GBX1: variants seen among roughly 807,000 people sequenced by gnomAD.
GBX1 encodes the protein gastrulation brain homeobox 1.
In GBX1, 9 loss-of-function variants were observed where a neutral mutation model predicts 22.9. That is an observed-to-expected ratio of 0.39 (90% CI 0.24 to 0.69). The LOEUF is 0.69. Among genes scored for constraint, GBX1 ranks in the 30% least tolerant of loss-of-function variants. The pLI is 0.43. For missense variants in GBX1, 494 were observed against 509.2 expected (o/e 0.97, Z 0.29); for synonymous variants, 203 against 227.3 (o/e 0.89, Z 0.96).
chr7:151,167,325 G>A lies in GBX1; in HGVS notation c.224C>T (p.Pro75Leu), dbSNP rs1346451049. Residue 75 changes from proline (P) to leucine (L), a missense_variant, in exon 1 of 2, where the codon CCG (proline) becomes CTG (leucine). Transcript: ENST00000297537. This position sits in a 1 kb window ranked among gnomAD's most constrained non-coding sequence, Gnocchi z 5.9. ...PLPAGLPPLAPLASFAGRLTN... is the reference protein window; with the variant it reads ...PLPAGLPPLALLASFAGRLTN... ...AAGGCGGCCGGCGAAAGAGGCTAGC[G>A]GGGCGAGGGGCGGGAGGCCAGCGGG... is the stretch of plus-strand genomic sequence containing the variant. 3.3e-6 allele frequency: 5 copies of A among 1,517,878 alleles called. No individual in the cohort carries two copies. The South Asian group carries it at 6.3e-5, about 19-fold the overall frequency. The allele number at this position is 1,517,878 out of a possible 1,614,324, so 94.0% of individuals were successfully genotyped here.
intron 1 of GBX1, among the ~76,000 whole-genome samples, chr7:151,162,273 C>T (rs971182701): frequency 5.3e-5 from 8 of 152,302 alleles, no homozygotes; most frequent in South Asian, 4.1e-4. Flanking sequence ...TCTAATTCCA[C>T]GTCATATTAT....
intron 1 of GBX1, among the ~76,000 whole-genome samples, chr7:151,164,283 T>G (rs1801225345): frequency 6.6e-6 from 1 of 152,270 alleles, no homozygotes; most frequent in Admixed American, 6.5e-5. Flanking sequence ...AATCCCATTA[T>G]TCACAGCAGA....
chr7:151,152,504 AAAT>A (rs992495910), intron 1 of GBX1, among the ~76,000 whole-genome samples: 3 of 152,234 alleles, frequency 2.0e-5, no homozygotes, highest in African/African-American at 7.2e-5. Context: ...AGTTTGTAGT[AAAT>A]AATAACAAAA....
intron 1 of GBX1, among the ~76,000 whole-genome samples, chr7:151,153,510 T>A (rs1483785787): frequency 3.3e-5 from 5 of 151,974 alleles, no homozygotes; most frequent in Non-Finnish European, 4.4e-5. Flanking sequence ...AAATTGCACA[T>A]AAAAATTTGC....
intron 1 of GBX1, among the ~76,000 whole-genome samples, chr7:151,158,277 A>G (rs1682969869): frequency 6.6e-6 from 1 of 152,156 alleles, no homozygotes; most frequent in East Asian, 1.9e-4. Context: ...AAAATTATTC[A>G]TAGTAATACC....
At position 151,148,496 on chromosome 7, in the gene GBX1, A is replaced by G; in HGVS notation, c.*93T>C. The G allele has an allele frequency of 8.1e-7, 1 of 1,227,050 alleles. No homozygotes were observed. The highest frequency in any genetic ancestry group is 1.1e-6 in the Non-Finnish European group (1 of 881,410). The allele number at this position is 1,227,050 out of a possible 1,614,324, so 76.0% of individuals were successfully genotyped here. A position where few individuals can be genotyped will look rare whatever the true frequency, so the allele number is the denominator to read the frequency against. On this transcript the variant is annotated 3_prime_UTR_variant, in exon 2 of 2. Transcript: ENST00000297537. The surrounding 1 kb of genome is among the most constrained non-coding windows in gnomAD (Gnocchi z 5.1). The stretch of plus-strand genomic sequence containing the variant: ...AACTAGCCCCTCTCAAGGCAGAATC[A>G]CAGTTGCAGCCCCTCTGGTCCACAG...
In GBX1 at chr7:151,149,200, G is replaced by A. The variant is rs1438924409; in HGVS notation, c.539-58C>T. On this transcript the variant is annotated intron_variant, in intron 1 of 1. Coordinates refer to ENST00000297537, the MANE Select transcript of GBX1 (RefSeq NM_001098834.3). ...GGAGAAGCAAGAAAAAGAGAGTTTG[G>A]AGGAGGCCCATGGAACCATGGCCAG... The A allele has an allele frequency of 3.9e-6, 6 of 1,521,490 alleles. No individual in the cohort carries two copies. In the East Asian group the frequency reaches 9.0e-5, roughly 23 times the overall value. 94.2% of individuals were successfully genotyped at this position (1,521,490 alleles called of 1,614,324 possible).
intron 1 of GBX1, among the ~76,000 whole-genome samples, chr7:151,158,951 G>A (rs1801164334): frequency 6.6e-6 from 1 of 152,190 alleles, no homozygotes; most frequent in African/African-American, 2.4e-5. Context: ...CTGTACAGGT[G>A]AGTACTTCCT....
Position 151,167,624 on chromosome 7 carries a change from C to T in GBX1, c.-76G>A, listed in dbSNP as rs1801276227. 16 of 1,216,202 alleles carry T rather than the reference C, an allele frequency of 1.3e-5. No homozygotes were observed. Among genetic ancestry groups the T allele is most frequent in the Middle Eastern group, 6.6e-4 (2 of 3,042 alleles). The allele number at this position is 1,216,202 out of a possible 1,614,324, so 75.3% of individuals were successfully genotyped here. A position where few individuals can be genotyped will look rare whatever the true frequency, so the allele number is the denominator to read the frequency against. ...TGCGCCCCGCGGCTCGGGCGCCCCG[C>T]GCGGACACGCAGGGCTCGCTCCCTG... On this transcript the variant is annotated 5_prime_UTR_variant, in exon 1 of 2. Coordinates refer to ENST00000297537, the MANE Select transcript of GBX1 (RefSeq NM_001098834.3). This position sits in a 1 kb window ranked among gnomAD's most constrained non-coding sequence, Gnocchi z 5.9.
chr7:151,166,479 C>T (rs1584806653), intron 1 of GBX1, among the ~76,000 whole-genome samples: 1 of 124,050 alleles, frequency 8.1e-6, no homozygotes, highest in Non-Finnish European at 1.7e-5. Context: ...ACGCAACCCC[C>T]CCCCCCCAAC....
In GBX1 at chr7:151,150,954, G is replaced by A. The variant is rs565105968; in HGVS notation, c.539-1812C>T. The stretch of plus-strand genomic sequence containing the variant: ...ACTATGTTGCCCAGGCTGGCCTTGA[G>A]CTTCTGGGTTCATACAATCCTCTAG... On this transcript the variant is annotated intron_variant, in intron 1 of 1. Coordinates refer to ENST00000297537, the MANE Select transcript of GBX1 (RefSeq NM_001098834.3). 2.0e-4 allele frequency among the ~76,000 whole-genome samples: 31 copies of A among 152,280 alleles called. 1 individual carries two copies. In the South Asian group the frequency reaches 5.2e-3, roughly 25 times the overall value.
At chr7:151,166,474 ACC>A (rs376110409) in intron 1 of GBX1, among the ~76,000 whole-genome samples, 4,179 of 70,626 alleles carry the variant, frequency 0.059, 188 homozygotes, top group Non-Finnish European at 0.076. Flanking sequence ...TTGAGACGCA[ACC>A]CCCCCCCCCC....
intron 1 of GBX1, among the ~76,000 whole-genome samples, chr7:151,155,062 G>A (rs1029415300): frequency 4.6e-5 from 7 of 152,172 alleles, no homozygotes; most frequent in South Asian, 2.1e-4. Flanking sequence ...TGTTATCACC[G>A]TAGGAAATCA....
chr7:151,163,704 G>A (rs989980958), intron 1 of GBX1, among the ~76,000 whole-genome samples: 2 of 151,922 alleles, frequency 1.3e-5, no homozygotes, highest in Non-Finnish European at 1.5e-5. Flanking sequence ...AATTTTTAAT[G>A]ACATATATGG....
At chr7:151,157,907 T>C (rs1801153485) in intron 1 of GBX1, among the ~76,000 whole-genome samples, 1 of 152,184 alleles carries the variant, frequency 6.6e-6, no homozygotes, top group Admixed American at 6.5e-5. Flanking sequence ...GATTATAAAA[T>C]TATAAAAATT....
chr7:151,148,451 C>G lies in GBX1; in HGVS notation c.*138G>C. 1.3e-6 allele frequency: 1 copy of G among 783,452 alleles called. No homozygotes were observed. The highest frequency in any genetic ancestry group is 2.0e-6 in the Non-Finnish European group (1 of 493,466). The allele number at this position is 783,452 out of a possible 1,614,324, so 48.5% of individuals were successfully genotyped here. ...TGGGAGGAGTCTGGGAAGAGCACAC[C>G]CAGGGCTAGGTTAATTGCCAACTAG... On this transcript the variant is annotated 3_prime_UTR_variant, in exon 2 of 2. Transcript: ENST00000297537. The surrounding 1 kb of genome is among the most constrained non-coding windows in gnomAD (Gnocchi z 5.1).
intron 1 of GBX1, among the ~76,000 whole-genome samples, chr7:151,152,886 T>C (rs992048191): frequency 2.6e-5 from 4 of 152,206 alleles, no homozygotes; most frequent in African/African-American, 9.7e-5. Context: ...AGAGTTTCTC[T>C]CTGAGCCTTT....
intron 1 of GBX1, among the ~76,000 whole-genome samples, chr7:151,151,658 A>G (rs1801080771): frequency 6.6e-6 from 1 of 151,902 alleles, no homozygotes; most frequent in Non-Finnish European, 1.5e-5. Flanking sequence ...CTCTCTCACA[A>G]CCCACATCCA....
intron 1 of GBX1, among the ~76,000 whole-genome samples, chr7:151,151,352 C>T (rs530690992): frequency 1.3e-5 from 2 of 152,324 alleles, no homozygotes; most frequent in African/African-American, 4.8e-5. Context: ...ATTCGCCCCT[C>T]ATAATGTCTC....
Sources: gnomAD v4.1 joint callset for allele counts (sites outside exome capture counted in the v4.1 genomes callset) on GRCh38, gnomAD v4.1.1 for gene constraint, Gnocchi (gnomAD v3.1) non-coding constraint, MANE v1.5 for transcripts, NCBI Gene and HGNC (gene_info 2026-07-23, HGNC 2026-07-21) for gene names.